FGD6: variants seen among roughly 807,000 people sequenced by gnomAD.
The protein encoded by FGD6 is FYVE, RhoGEF and PH domain containing 6.
Under a neutral mutation model 149.4 loss-of-function variants are expected in FGD6, and 90 were observed. That is an observed-to-expected ratio of 0.60 (90% CI 0.51 to 0.72). FGD6 has a LOEUF of 0.72. Ranked by LOEUF, FGD6 falls within the 30% of genes least tolerant of loss-of-function variation. The pLI, the probability that FGD6 is intolerant of heterozygous loss-of-function variation, is 0.00. For synonymous variants in FGD6, 527 were observed against 584.0 expected, an observed-to-expected ratio of 0.90 and a Z score of 1.41; for missense variants, 1,437 against 1,684.8, an observed-to-expected ratio of 0.85 and a Z score of 2.57.
At chr12:95,136,714 A>C (rs1252611719) in intron 7 of FGD6, among the ~76,000 whole-genome samples, 1 of 152,228 alleles carries the variant, frequency 6.6e-6, no homozygotes, top group South Asian at 2.1e-4. Context: ...TAAAAGAAGA[A>C]GTTAAATTAA....
chr12:95,206,260 C>T (rs1348978989), intron 2 of FGD6, among the ~76,000 whole-genome samples: 1 of 151,320 alleles, frequency 6.6e-6, no homozygotes, highest in African/African-American at 2.4e-5. Context: ...GATAGTAGTA[C>T]ATTGTGAAGA....
rs1881428152 is a variant in FGD6, at chr12:95,186,225, C to CTTTTTTTTT, written c.2442-13482_2442-13481insAAAAAAAAA. 6.0e-4 allele frequency among the ~76,000 whole-genome samples: 43 copies of CTTTTTTTTT among 71,186 alleles called. 19 individuals carry two copies. The highest frequency in any genetic ancestry group is 2.9e-3 in the East Asian group (6 of 2,076). The allele number at this position is 71,186 out of a possible 152,430, so 46.7% of individuals were successfully genotyped here. A position where few individuals can be genotyped will look rare whatever the true frequency, so the allele number is the denominator to read the frequency against. ...AGCTAAGAATGCTTCTTATATTCTT[C>CTTTTTTTTT]TTCTTTTTTTTTTTTTTTTTTTTTT... is the stretch of plus-strand genomic sequence containing the variant. On this transcript the variant is annotated intron_variant, in intron 2 of 20. Coordinates refer to ENST00000343958, the MANE Select transcript of FGD6 (RefSeq NM_018351.4).
Position 95,217,430 on chromosome 12 carries a change from G to A in FGD6, c.-190C>T, listed in dbSNP as rs2056848568. The A allele has an allele frequency of 4.3e-6, 4 of 926,106 alleles. No individual in the cohort carries two copies. Among genetic ancestry groups the A allele is most frequent in the South Asian group, 2.5e-5 (1 of 39,758 alleles). The allele number at this position is 926,106 out of a possible 1,614,324, so 57.4% of individuals were successfully genotyped here. ...ACTCTAGCGACCCTGCGGCGCTCCC[G>A]GGCGCGAGCCGCCGGGGTCGGGCGG... On this transcript the variant is annotated 5_prime_UTR_variant, in exon 1 of 21. Coordinates refer to ENST00000343958, the MANE Select transcript of FGD6 (RefSeq NM_018351.4).
At chr12:95,093,656 A>G (rs1198294639) in intron 15 of FGD6, among the ~76,000 whole-genome samples, 1 of 148,246 alleles carries the variant, frequency 6.7e-6, no homozygotes, top group Non-Finnish European at 1.5e-5. Context: ...AGCCTGGGCA[A>G]TAAGAGCAAA....
chr12:95,141,451 A>G lies in FGD6; in HGVS notation c.2774T>C (p.Leu925Ser). Reference protein sequence around the residue: ...DRILNQILYYLPQLYELNRDL... With the variant: ...DRILNQILYYSPQLYELNRDL... The stretch of plus-strand genomic sequence containing the variant: ...CCGGTTGAGCTCATACAGCTGAGGC[A>G]AGTAGTATAGGATCTGATTTAGAAT... The change falls in exon 6 of 21, where the codon TTG becomes TCG. Residue 925 changes from leucine (L) to serine (S), a missense_variant. By Grantham distance (145) the Leu-to-Ser change is moderately radical. This residue lies in a region of FGD6 where 1,055 missense variants were observed against 1,146.0 expected (regional missense o/e 0.92). Transcript: ENST00000343958. 6.2e-7 allele frequency: 1 copy of G among 1,614,190 alleles called. No homozygotes were observed. The highest frequency in any genetic ancestry group is 8.5e-7 in the Non-Finnish European group (1 of 1,180,038).
chr12:95,114,493 C>CACACACACACACGT (rs1555217714), intron 8 of FGD6, among the ~76,000 whole-genome samples: 12 of 142,924 alleles, frequency 8.4e-5, no homozygotes, highest in Non-Finnish European at 1.5e-4. Flanking sequence ...CACACACACA[C>CACACACACACACGT]GTCAGACGTG....
chr12:95,146,689 G>A (rs758582561), intron 5 of FGD6, among the ~76,000 whole-genome samples: 3 of 152,116 alleles, frequency 2.0e-5, no homozygotes, highest in Non-Finnish European at 4.4e-5. Context: ...CCAAATGCTT[G>A]TTTAATGTGG....
chr12:95,207,874 G>A (rs1325783925), intron 2 of FGD6, among the ~76,000 whole-genome samples: 2 of 152,194 alleles, frequency 1.3e-5, no homozygotes, highest in Non-Finnish European at 2.9e-5. Context: ...GCCAAAGACT[G>A]AGGGGGTGGA....
chr12:95,208,941 G>A lies in FGD6; in HGVS notation c.2343C>T (p.Ser781=), dbSNP rs754401854. Residue 781 remains serine (S), a synonymous_variant, in exon 2 of 21, where the codon AGC becomes AGT. Transcript: ENST00000343958. ...CATTTGCATCAGCGTCCTCCATGCT[G>A]CTGGAATTCTGCCATTCCAACTCTT... ...KTQELEWQNS[S]SMEDADANVY... 1.2e-6 allele frequency: 2 copies of A among 1,614,114 alleles called. No individual in the cohort carries two copies. Among genetic ancestry groups the A allele is most frequent in the Non-Finnish European group, 1.7e-6 (2 of 1,180,032 alleles).
rs770751524 is a variant in FGD6 at position 95,172,578 on chromosome 12, G to A, written c.2586+22C>T. 3 of 1,550,364 alleles carry A rather than the reference G, an allele frequency of 1.9e-6. No homozygotes were observed. The African/African-American group carries it at 4.1e-5, about 21-fold the overall frequency. On this transcript the variant is annotated intron_variant, in intron 3 of 20. Coordinates refer to ENST00000343958, the MANE Select transcript of FGD6 (RefSeq NM_018351.4). The stretch of plus-strand genomic sequence containing the variant: ...CCCAAGCATAGGGAGAGGTCAAGAA[G>A]CAATTAAGTACCAAAGTATACCTGT...
intron 3 of FGD6, among the ~76,000 whole-genome samples, chr12:95,169,602 T>C (rs923688357): frequency 2.0e-5 from 3 of 152,166 alleles, no homozygotes; most frequent in Non-Finnish European, 4.4e-5. Context: ...ACTGCTGGGT[T>C]AAAGATTAAT....
chr12:95,127,093 C>T (rs1256652158), intron 8 of FGD6, among the ~76,000 whole-genome samples: 1 of 151,640 alleles, frequency 6.6e-6, no homozygotes, highest in Admixed American at 6.6e-5. Flanking sequence ...AACTAGATTC[C>T]TTGTCTGGAG....
At chr12:95,172,578 G>C (rs770751524) in intron 3 of FGD6, 22 bp downstream of exon 3, 1 of 1,550,482 alleles carries the variant, frequency 6.4e-7, no homozygotes, top group Non-Finnish European at 8.8e-7. Context: ...AGGTCAAGAA[G>C]CAATTAAGTA....
intron 20 of FGD6, 59 bp downstream of exon 20, chr12:95,084,439 G>A: frequency 7.1e-7 from 1 of 1,402,804 alleles, no homozygotes; most frequent in Non-Finnish European, 9.4e-7. Flanking sequence ...CATTTTACAA[G>A]CAACCATTAA....
intron 20 of FGD6, among the ~76,000 whole-genome samples, chr12:95,083,028 T>TACACACACACACACACACAC (rs1275300348): frequency 1.6e-4 from 11 of 67,852 alleles, no homozygotes; most frequent in African/African-American, 5.5e-4. Context: ...TATATATATA[T>TACACACACACACACACACAC]ATACACACAC....
rs184318992 is a variant in FGD6 at position 95,079,709 on chromosome 12, G to C, written c.*1811C>G. 1.3e-5 allele frequency: 2 copies of C among 152,056 alleles called. No individual in the cohort carries two copies. Among genetic ancestry groups the C allele is most frequent in the African/African-American group, 4.8e-5 (2 of 41,466 alleles). The allele number at this position is 152,056 out of a possible 1,614,324, so 9.4% of individuals were successfully genotyped here. ...GATGGCATGTTAGGATTGTGTATGA[G>C]GTTCAAATGACTCCATGGCAAAAAA... On this transcript the variant is annotated 3_prime_UTR_variant, in exon 21 of 21. Transcript: ENST00000343958.
intron 5 of FGD6, among the ~76,000 whole-genome samples, chr12:95,148,522 T>G (rs1480020878): frequency 1.7e-5 from 2 of 115,858 alleles, no homozygotes; most frequent in Non-Finnish European, 3.5e-5. Flanking sequence ...TATTATATTA[T>G]ATATTATATA....
chr12:95,108,154 C>T (rs1314623495), intron 11 of FGD6, among the ~76,000 whole-genome samples, 194 bp downstream of exon 11: 1 of 152,158 alleles, frequency 6.6e-6, no homozygotes, highest in Non-Finnish European at 1.5e-5. Flanking sequence ...ACTGGACTTA[C>T]TTCATAAATG....
chr12:95,139,814 T>C (rs1879790551), intron 6 of FGD6, among the ~76,000 whole-genome samples: 1 of 151,962 alleles, frequency 6.6e-6, no homozygotes, highest in South Asian at 2.1e-4. Context: ...TTTTTGTAAG[T>C]TTACTAGAGA....
Sources: gnomAD v4.1 joint callset for allele counts (sites outside exome capture counted in the v4.1 genomes callset) on GRCh38, gnomAD v4.1.1 for gene constraint, gnomAD v4.1.1 regional missense constraint, MANE v1.5 for transcripts, NCBI Gene and HGNC (gene_info 2026-07-23, HGNC 2026-07-21) for gene names.